The following EXT1 variants were observed in gnomAD, a reference collection of about 807,000 sequenced individuals.
EXT1 encodes exostosin glycosyltransferase 1, also known as exostosin-1.
EXT1 carries 20 observed loss-of-function variants against 82.5 expected under a neutral mutation model. The ratio of observed to expected loss-of-function variants is 0.24; its 90% CI spans 0.17 to 0.35. The LOEUF (loss-of-function observed/expected upper bound fraction) is 0.35, where lower values mean the gene tolerates loss of function less well. EXT1 is among the 10% of genes least tolerant of loss of function. EXT1 has a pLI of 1.00. For missense variants in EXT1, 757 were observed against 936.5 expected (o/e 0.81, Z 2.50); for synonymous variants, 348 against 350.8 (o/e 0.99, Z 0.09).
chr8:117,931,457 G>A (rs1814060566), intron 1 of EXT1, among the ~76,000 whole-genome samples: 1 of 151,706 alleles, frequency 6.6e-6, no homozygotes, highest in Non-Finnish European at 1.5e-5. Context: ...TTTGTGTGGG[G>A]CGGGGGTGTG....
At chr8:118,020,404 T>C (rs1460085481) in intron 1 of EXT1, among the ~76,000 whole-genome samples, 1 of 152,218 alleles carries the variant, frequency 6.6e-6, no homozygotes, top group East Asian at 1.9e-4. Context: ...TACGATCTTG[T>C]CCTATTATGT....
At chr8:118,088,921 TAG>T (rs1301351330) in intron 1 of EXT1, among the ~76,000 whole-genome samples, 1 of 152,178 alleles carries the variant, frequency 6.6e-6, no homozygotes, top group Non-Finnish European at 1.5e-5. Flanking sequence ...CACCTTTAAC[TAG>T]TCACACTTAC....
intron 1 of EXT1, among the ~76,000 whole-genome samples, chr8:117,962,749 TCC>T (rs200739183): frequency 7.8e-6 from 1 of 128,858 alleles, no homozygotes; most frequent in Non-Finnish European, 1.6e-5. Context: ...AAAGACTCCA[TCC>T]CCCCACACCC....
intron 1 of EXT1, among the ~76,000 whole-genome samples, chr8:117,890,081 A>C (rs555482645): frequency 1.1e-3 from 175 of 152,356 alleles, no homozygotes; most frequent in Non-Finnish European, 2.0e-3. Flanking sequence ...AACATGCAAT[A>C]CATACTGTCT....
chr8:117,837,931 A>G (rs1055028288), intron 1 of EXT1, among the ~76,000 whole-genome samples: 1 of 152,168 alleles, frequency 6.6e-6, no homozygotes, highest in African/African-American at 2.4e-5. Flanking sequence ...TTTTACTCAA[A>G]TACCATTTAA....
chr8:117,885,525 T>C (rs1813133556), intron 1 of EXT1, among the ~76,000 whole-genome samples: 1 of 140,688 alleles, frequency 7.1e-6, no homozygotes, highest in African/African-American at 2.6e-5. Context: ...AAGAAAGAAA[T>C]CTAGAATGTC....
chr8:117,940,782 G>C (rs940623441), intron 1 of EXT1, among the ~76,000 whole-genome samples: 1 of 152,186 alleles, frequency 6.6e-6, no homozygotes, highest in Non-Finnish European at 1.5e-5. Context: ...GTAGGAGTTT[G>C]ACCTGTGGGT....
intron 1 of EXT1, among the ~76,000 whole-genome samples, chr8:117,983,620 C>A (rs749757737): frequency 6.6e-6 from 1 of 152,110 alleles, no homozygotes; most frequent in East Asian, 1.9e-4. Context: ...ACAACAACAA[C>A]AAAATAGAGG....
intron 1 of EXT1, among the ~76,000 whole-genome samples, chr8:118,005,685 G>A (rs569551671): frequency 1.2e-4 from 19 of 152,170 alleles, no homozygotes; most frequent in Admixed American, 3.3e-4. Flanking sequence ...TCACCACTAC[G>A]CAAAGTGTCT....
chr8:118,061,806 G>C (rs906229852), intron 1 of EXT1, among the ~76,000 whole-genome samples: 1 of 152,204 alleles, frequency 6.6e-6, no homozygotes, highest in African/African-American at 2.4e-5. Flanking sequence ...TCAGTAAACA[G>C]TTATGCATCT....
At chr8:117,904,129 T>C (rs1813501063) in intron 1 of EXT1, among the ~76,000 whole-genome samples, 1 of 152,210 alleles carries the variant, frequency 6.6e-6, no homozygotes, top group South Asian at 2.1e-4. Context: ...TAAACATGGC[T>C]GCAAAGACCA....
At chr8:118,035,987 AT>A (rs1277828192) in intron 1 of EXT1, among the ~76,000 whole-genome samples, 1 of 152,164 alleles carries the variant, frequency 6.6e-6, no homozygotes, top group Non-Finnish European at 1.5e-5. Flanking sequence ...CCCTTAGCTC[AT>A]TAAGCTTCAC....
intron 1 of EXT1, among the ~76,000 whole-genome samples, chr8:117,942,957 G>A (rs1043458875): frequency 6.6e-6 from 1 of 152,170 alleles, no homozygotes; most frequent in Non-Finnish European, 1.5e-5. Context: ...GGCACATGAA[G>A]CCATTGGGCT....
chr8:117,882,120 C>T (rs375593138), intron 1 of EXT1, among the ~76,000 whole-genome samples: 2 of 152,288 alleles, frequency 1.3e-5, no homozygotes, highest in African/African-American at 4.8e-5. Flanking sequence ...CTCACTCTGT[C>T]GCCCAGACTG....
At chr8:117,949,175 T>C (rs1180522714) in intron 1 of EXT1, among the ~76,000 whole-genome samples, 2 of 152,176 alleles carry the variant, frequency 1.3e-5, no homozygotes, top group African/African-American at 2.4e-5. Flanking sequence ...TTCTGCAAGT[T>C]CCCAATTTTG....
In EXT1 at chr8:117,822,392, G is replaced by A. The variant is rs1811938773; in HGVS notation, c.1417+73C>T. 3.3e-6 allele frequency: 5 copies of A among 1,535,106 alleles called. No individual in the cohort carries two copies. The South Asian group carries it at 3.4e-5, about 10-fold the overall frequency. Reference sequence around the variant, plus strand: ...TTAGATGGACCCCATTAGAGTAGAAGAATAAAGGCCTTTAGTTCTGTATGA... The same window carrying A: ...TTAGATGGACCCCATTAGAGTAGAAAAATAAAGGCCTTTAGTTCTGTATGA... On this transcript the variant is annotated intron_variant, in intron 5 of 10. Transcript: ENST00000378204.
At chr8:117,877,469 T>C (rs1294923583) in intron 1 of EXT1, among the ~76,000 whole-genome samples, 1 of 152,094 alleles carries the variant, frequency 6.6e-6, no homozygotes, top group African/African-American at 2.4e-5. Context: ...AATAATTAGG[T>C]CCCAAATCTG....
At chr8:117,870,850 A>ACACACACACACACACACACACACAC (rs1563586222) in intron 1 of EXT1, among the ~76,000 whole-genome samples, 7 of 89,662 alleles carry the variant, frequency 7.8e-5, no homozygotes, top group African/African-American at 6.8e-4. Context: ...CACACACACA[A>ACACACACACACACACACACACACAC]AAGATTGAAG....
chr8:117,849,099 G>A (rs757364130), intron 1 of EXT1, among the ~76,000 whole-genome samples: 3 of 152,178 alleles, frequency 2.0e-5, no homozygotes, highest in Non-Finnish European at 4.4e-5. Context: ...CACTTGCTGT[G>A]CCCTCTGCCT....
Sources: allele counts gnomAD v4.1 joint callset (sites outside exome capture counted in the v4.1 genomes callset), GRCh38; gene constraint gnomAD v4.1.1; transcripts MANE v1.5; gene names NCBI Gene and HGNC (gene_info 2026-07-23, HGNC 2026-07-21).